TRAP1: variants seen among roughly 807,000 people sequenced by gnomAD.
TRAP1 encodes the protein TNF receptor associated protein 1.
Under a neutral mutation model 89.1 loss-of-function variants are expected in TRAP1, and 102 were observed. The observed-to-expected ratio is 1.15, with a 90% CI of 0.98 to 1.35. TRAP1 has a LOEUF of 1.35. Ranked by LOEUF, TRAP1 falls within the 40% of genes most tolerant of loss-of-function variation. The pLI is 0.00. For synonymous variants in TRAP1, 508 were observed against 388.0 expected (o/e 1.31, Z -3.64); for missense variants, 1,256 against 945.3 (o/e 1.33, Z -4.31).
chr16:3,658,378 CCAAAGTGCTGGG>C, intron 17 of TRAP1, 148 bp from the exon 18 acceptor site: 1 of 679,510 alleles, frequency 1.5e-6, no homozygotes, highest in East Asian at 2.7e-5. Flanking sequence ...CCCCCGCCTC[CCAAAGTGCTGGG>C]ATTACAGGCG....
chr16:3,664,187 G>A (rs1004979162), intron 13 of TRAP1, 87 bp downstream of exon 13: 5 of 1,375,706 alleles, frequency 3.6e-6, no homozygotes, highest in Non-Finnish European at 4.8e-6. Context: ...GGAGTCTTGG[G>A]CAGGTTCACC....
At position 3,698,336 on chromosome 16, in the gene TRAP1, G is replaced by C. The variant is rs377658465; in HGVS notation, c.89-7351C>G. Among the ~76,000 whole-genome samples the C allele has an allele frequency of 2.8e-5, 4 of 144,958 alleles. No individual in the cohort carries two copies. The South Asian group carries it at 6.5e-4, about 23-fold the overall frequency. ...ACAACAACTTTTTTTTTTTTTTTTAGAGTCTCACTCTGTTGCCCAGGCTGC... is the reference window on the plus strand; with the variant it reads ...ACAACAACTTTTTTTTTTTTTTTTACAGTCTCACTCTGTTGCCCAGGCTGC... On this transcript the variant is annotated intron_variant, in intron 1 of 17. Transcript: ENST00000246957.
At chr16:3,668,141 T>C (rs1201427326) in intron 11 of TRAP1, among the ~76,000 whole-genome samples, 2 of 152,006 alleles carry the variant, frequency 1.3e-5, no homozygotes, top group Non-Finnish European at 2.9e-5. Context: ...CTTGGCAGGC[T>C]GGTAACTCCT....
At chr16:3,711,514 G>C (rs2051531038) in intron 1 of TRAP1, among the ~76,000 whole-genome samples, 1 of 151,984 alleles carries the variant, frequency 6.6e-6, no homozygotes, top group Non-Finnish European at 1.5e-5. Flanking sequence ...CAGGAGAACT[G>C]CTTGAACCCG....
chr16:3,689,223 T>A, intron 2 of TRAP1, 86 bp from the exon 3 acceptor site: 2 of 1,143,664 alleles, frequency 1.7e-6, no homozygotes, highest in Non-Finnish European at 2.5e-6. Context: ...AAAGAAAGCT[T>A]AAGTTTATGA....
At chr16:3,687,883 A>AC (rs1555465641) in intron 3 of TRAP1, among the ~76,000 whole-genome samples, 3 of 150,014 alleles carry the variant, frequency 2.0e-5, no homozygotes, top group Non-Finnish European at 3.0e-5. Context: ...AAAAACAAAA[A>AC]CCCACACAAT....
intron 1 of TRAP1, among the ~76,000 whole-genome samples, chr16:3,712,285 C>CAAAAAAAAAAAAA (rs764259574): frequency 3.1e-5 from 1 of 32,080 alleles, no homozygotes; most frequent in Non-Finnish European, 5.5e-5. Flanking sequence ...GAATCTGTCT[C>CAAAAAAAAAAAAA]AAAAAAAAAA....
At chr16:3,711,920 A>G (rs1479241793) in intron 1 of TRAP1, among the ~76,000 whole-genome samples, 2 of 152,204 alleles carry the variant, frequency 1.3e-5, no homozygotes, top group African/African-American at 4.8e-5. Flanking sequence ...CCATCCATGA[A>G]CATTCTCTGG....
chr16:3,665,363 G>T (rs2050807683), intron 12 of TRAP1: 1 of 152,790 alleles, frequency 6.5e-6, no homozygotes, highest in Non-Finnish European at 1.5e-5. Context: ...ACACCACACT[G>T]TGAATGCACT....
chr16:3,675,929 C>T, intron 7 of TRAP1, 107 bp downstream of exon 7: 4 of 1,004,694 alleles, frequency 4.0e-6, no homozygotes, highest in Non-Finnish European at 5.9e-6. Flanking sequence ...ACGGCTCTGC[C>T]TGTGCACCCT....
At chr16:3,713,736 G>T (rs933308328) in intron 1 of TRAP1, among the ~76,000 whole-genome samples, 23 of 152,208 alleles carry the variant, frequency 1.5e-4, no homozygotes, top group African/African-American at 5.3e-4. Flanking sequence ...GGGAGACTGC[G>T]TCTGCTGTTG....
intron 11 of TRAP1, among the ~76,000 whole-genome samples, chr16:3,667,757 A>T (rs1567226840): frequency 1.7e-5 from 2 of 117,752 alleles, no homozygotes; most frequent in Admixed American, 1.0e-4. Context: ...TAACACATCA[A>T]TTTTTTTTTT....
intron 4 of TRAP1, 177 bp from the exon 5 acceptor site, chr16:3,679,967 T>C: frequency 3.2e-6 from 2 of 626,404 alleles, no homozygotes; most frequent in South Asian, 3.6e-5. Flanking sequence ...TGATGGTTCA[T>C]GCCTGTAATC....
rs992906587 is a variant in TRAP1 at position 3,679,674 on chromosome 16, C to T, written c.543+45G>A. 1.4e-5 allele frequency: 22 copies of T among 1,604,796 alleles called. No homozygotes were observed. In the African/African-American group the frequency reaches 2.5e-4, roughly 19 times the overall value. On this transcript the variant is annotated intron_variant, in intron 5 of 17. Transcript: ENST00000246957. ...GCCACCCCTACTGGAGGGATCCTTG[C>T]ACCCTGAGGGGAAGGGGGAGGCTGT...
intron 1 of TRAP1, among the ~76,000 whole-genome samples, chr16:3,701,550 CA>C (rs34870237): frequency 1.7e-3 from 210 of 120,046 alleles, no homozygotes; most frequent in Admixed American, 2.1e-3. Flanking sequence ...GACCCTGTCC[CA>C]AAAAAAAAAA....
At chr16:3,670,873 G>C (rs1220839548) in intron 11 of TRAP1, among the ~76,000 whole-genome samples, 1 of 152,020 alleles carries the variant, frequency 6.6e-6, no homozygotes, top group Non-Finnish European at 1.5e-5. Context: ...CATCTCCCCA[G>C]ACCTGCTCCT....
chr16:3,661,032 A>G (rs2151236643), intron 16 of TRAP1: 1 of 152,224 alleles, frequency 6.6e-6, no homozygotes, highest in Admixed American at 6.5e-5. Context: ...ATGTAACTTC[A>G]TTTTTTAAAA....
chr16:3,666,427 T>G (rs1179669212), intron 11 of TRAP1, among the ~76,000 whole-genome samples: 1 of 152,088 alleles, frequency 6.6e-6, no homozygotes, highest in Non-Finnish European at 1.5e-5. Context: ...TTATAGGAAC[T>G]GCACCTTAGG....
intron 1 of TRAP1, chr16:3,691,186 T>C (rs1160834033): frequency 2.4e-6 from 1 of 416,738 alleles, no homozygotes; most frequent in African/African-American, 2.1e-5. Context: ...ATGTCATCAG[T>C]GTAAGATACT....
Sources: allele counts gnomAD v4.1 joint callset (sites outside exome capture counted in the v4.1 genomes callset), GRCh38; gene constraint gnomAD v4.1.1; transcripts MANE v1.5; gene names NCBI Gene and HGNC (gene_info 2026-07-23, HGNC 2026-07-21).